The following GPHN variants were observed in gnomAD, a reference collection of about 807,000 sequenced individuals.
The protein encoded by GPHN is gephyrin.
In GPHN, 17 loss-of-function variants were observed where a neutral mutation model predicts 95.5. The ratio of observed to expected loss-of-function variants is 0.18; its 90% confidence interval spans 0.12 to 0.27. The LOEUF (loss-of-function observed/expected upper bound fraction) is 0.27. Among genes scored for constraint, GPHN ranks in the 10% least tolerant of loss-of-function variants. The pLI is 1.00. For missense variants in GPHN, 660 were observed against 978.1 expected (o/e 0.67, Z 4.34); for synonymous variants, 320 against 322.5 (o/e 0.99, Z 0.08).
the GPHN span, among the ~76,000 whole-genome samples, chr14:67,679,843 G>A: frequency 3.9e-5 from 6 of 152,170 alleles, no homozygotes; most frequent in African/African-American, 1.4e-4. Context: ...ATGATTGAAT[G>A]TATTACAATC....
At chr14:67,218,074 A>T in the GPHN span, among the ~76,000 whole-genome samples, 2 of 152,086 alleles carry the variant, frequency 1.3e-5, no homozygotes, top group Non-Finnish European at 2.9e-5. Context: ...CTAGGCTTAG[A>T]GAGTTTGTGG....
chr14:66,545,906 G>C (rs1162563360), intron 1 of GPHN, among the ~76,000 whole-genome samples: 1 of 151,568 alleles, frequency 6.6e-6, no homozygotes, highest in Non-Finnish European at 1.5e-5. Flanking sequence ...CTGGCCTAGC[G>C]GTGGGTGACC....
At chr14:66,826,247 G>A (rs1228838636) in intron 4 of GPHN, among the ~76,000 whole-genome samples, 2 of 152,086 alleles carry the variant, frequency 1.3e-5, no homozygotes, top group Non-Finnish European at 2.9e-5. Context: ...AAAATGCTAG[G>A]CTGAAAATTC....
At chr14:67,118,404 C>T (rs951952106) in intron 16 of GPHN, among the ~76,000 whole-genome samples, 21 of 152,120 alleles carry the variant, frequency 1.4e-4, no homozygotes, top group Non-Finnish European at 2.8e-4. Flanking sequence ...TCCTCTGGCG[C>T]CATCTGCAGG....
intron 2 of GPHN, among the ~76,000 whole-genome samples, chr14:66,719,517 C>G (rs1161616290): frequency 1.3e-5 from 2 of 152,154 alleles, no homozygotes; most frequent in African/African-American, 4.8e-5. Flanking sequence ...GAGCGGTCCT[C>G]TTTCTTCAGA....
chr14:66,821,083 A>G (rs1466382716), intron 3 of GPHN, among the ~76,000 whole-genome samples: 1 of 152,186 alleles, frequency 6.6e-6, no homozygotes, highest in Non-Finnish European at 1.5e-5. Context: ...ATGACCTCTT[A>G]TTTGGTAGAG....
the GPHN span, among the ~76,000 whole-genome samples, chr14:67,375,187 C>T: frequency 6.6e-6 from 1 of 151,376 alleles, no homozygotes; most frequent in Non-Finnish European, 1.5e-5. Context: ...TTTCTCTTTT[C>T]TCAGGTCCTG....
At chr14:67,041,956 C>A (rs1053376926) in intron 10 of GPHN, among the ~76,000 whole-genome samples, 1 of 152,104 alleles carries the variant, frequency 6.6e-6, no homozygotes, top group Non-Finnish European at 1.5e-5. Flanking sequence ...ATTTGCATTT[C>A]TCTAATGACC....
At chr14:66,822,765 G>C (rs2061246827) in intron 3 of GPHN, among the ~76,000 whole-genome samples, 1 of 152,112 alleles carries the variant, frequency 6.6e-6, no homozygotes, top group Non-Finnish European at 1.5e-5. Flanking sequence ...AAACATTTTG[G>C]TGTTGAGATA....
the GPHN span, chr14:67,198,888 A>G: frequency 2.9e-6 from 2 of 685,792 alleles, no homozygotes; most frequent in Non-Finnish European, 5.3e-6. Flanking sequence ...GATAGGGGTC[A>G]TACCTCTAAA....
At chr14:67,326,755 T>A in the GPHN span, among the ~76,000 whole-genome samples, 1 of 152,244 alleles carries the variant, frequency 6.6e-6, no homozygotes, top group Non-Finnish European at 1.5e-5. Context: ...TGGCTTTTGA[T>A]CAACATGTTT....
At chr14:67,644,260 CAT>C in the GPHN span, among the ~76,000 whole-genome samples, 3 of 152,154 alleles carry the variant, frequency 2.0e-5, no homozygotes, top group South Asian at 4.1e-4. Flanking sequence ...TGTAGTTTAA[CAT>C]ATATTACTAC....
intron 9 of GPHN, among the ~76,000 whole-genome samples, chr14:66,998,185 C>G (rs2071947265): frequency 6.6e-6 from 1 of 152,168 alleles, no homozygotes; most frequent in Non-Finnish European, 1.5e-5. Flanking sequence ...TGGCACTCAG[C>G]TCTTAACTCT....
the GPHN span, among the ~76,000 whole-genome samples, chr14:67,391,901 C>A: frequency 3.9e-5 from 6 of 152,120 alleles, no homozygotes; most frequent in Non-Finnish European, 5.9e-5. Flanking sequence ...TTGTTTTTAG[C>A]TCAGAAAGTG....
intron 8 of GPHN, among the ~76,000 whole-genome samples, chr14:66,960,858 TA>T (rs1375160341): frequency 3.3e-5 from 5 of 152,114 alleles, no homozygotes; most frequent in African/African-American, 1.2e-4. Flanking sequence ...TCAGAGTCCT[TA>T]TGCCTTAAAG....
the GPHN span, among the ~76,000 whole-genome samples, chr14:67,609,514 A>G: frequency 4.0e-5 from 6 of 151,696 alleles, no homozygotes; most frequent in African/African-American, 1.5e-4. Context: ...GGCCAACTCA[A>G]CCTTCAGCCC....
the GPHN span, among the ~76,000 whole-genome samples, chr14:67,396,857 A>G: frequency 6.6e-6 from 1 of 152,236 alleles, no homozygotes; most frequent in Non-Finnish European, 1.5e-5. Context: ...ATGAAGAAAC[A>G]ATCTTACCAT....
the GPHN span, among the ~76,000 whole-genome samples, chr14:67,519,438 CT>C: frequency 3.3e-5 from 5 of 152,338 alleles, no homozygotes; most frequent in South Asian, 1.0e-3. Flanking sequence ...AGACGCCAAT[CT>C]TTTCATCACT....
chr14:67,015,424 C>T (rs138952263), intron 9 of GPHN, among the ~76,000 whole-genome samples: 9 of 152,204 alleles, frequency 5.9e-5, no homozygotes, highest in Middle Eastern at 3.4e-3. Flanking sequence ...GCAGCCCAGG[C>T]GCTGTGGCTC....
Sources: allele counts gnomAD v4.1 joint callset (sites outside exome capture counted in the v4.1 genomes callset), GRCh38; gene constraint gnomAD v4.1.1; transcripts MANE v1.5; gene names NCBI Gene and HGNC (gene_info 2026-07-23, HGNC 2026-07-21).